The following SPON1 variants were observed in gnomAD, a reference collection of about 807,000 sequenced individuals.
SPON1 encodes the protein spondin 1.
SPON1 carries 52 observed loss-of-function variants against 111.7 expected under a neutral mutation model. The ratio of observed to expected loss-of-function variants is 0.47; its 90% CI spans 0.37 to 0.59. SPON1 has a LOEUF of 0.59. Ranked by LOEUF, SPON1 falls within the 20% of genes least tolerant of loss-of-function variation. SPON1 has a pLI of 0.00. For missense variants in SPON1, 957 were observed against 1,068.5 expected (o/e 0.90, Z 1.46); for synonymous variants, 410 against 395.8 (o/e 1.04, Z -0.43).
intron 7 of SPON1, 76 bp downstream of exon 7, chr11:14,243,472 C>A: frequency 8.3e-7 from 1 of 1,206,144 alleles, no homozygotes; most frequent in Non-Finnish European, 1.2e-6. Flanking sequence ...ATGGCCACCA[C>A]ATACCAGTTA....
At chr11:14,159,910 T>A (rs868932853) in intron 6 of SPON1, among the ~76,000 whole-genome samples, 1 of 4,868 alleles carries the variant, frequency 2.1e-4, no homozygotes, top group African/African-American at 6.7e-4. Flanking sequence ...GGGTGGGAGG[T>A]GGGGGGGATG....
At chr11:13,963,196 C>A in intron 1 of SPON1, 54 bp downstream of exon 1, 1 of 1,352,236 alleles carries the variant, frequency 7.4e-7, no homozygotes, top group Non-Finnish European at 9.8e-7. Context: ...CCCCGGAGGG[C>A]GCCGACCTCG....
intron 3 of SPON1, among the ~76,000 whole-genome samples, chr11:14,065,724 C>T (rs1300283289): frequency 1.3e-5 from 2 of 152,188 alleles, no homozygotes; most frequent in Admixed American, 1.3e-4. Context: ...GATTCTTAAG[C>T]TTTGTGGGGT....
chr11:14,164,712 C>T (rs1049931398), intron 6 of SPON1, among the ~76,000 whole-genome samples: 5 of 152,122 alleles, frequency 3.3e-5, no homozygotes, highest in East Asian at 1.9e-4. Context: ...TGCAGGAGAC[C>T]GGAGTTTTAT....
intron 6 of SPON1, among the ~76,000 whole-genome samples, chr11:14,154,854 A>G (rs1171760304): frequency 6.6e-6 from 1 of 152,168 alleles, no homozygotes; most frequent in Non-Finnish European, 1.5e-5. Flanking sequence ...GCCAGGCCAC[A>G]TCTTGGATGC....
chr11:14,020,456 A>G (rs1162063077), intron 2 of SPON1, among the ~76,000 whole-genome samples: 1 of 152,230 alleles, frequency 6.6e-6, no homozygotes, highest in Non-Finnish European at 1.5e-5. Context: ...GATCTCTATC[A>G]TATGCAGTTG....
At chr11:14,251,729 G>A (rs1265206751) in intron 7 of SPON1, among the ~76,000 whole-genome samples, 3 of 152,226 alleles carry the variant, frequency 2.0e-5, no homozygotes, top group African/African-American at 7.2e-5. Context: ...GCACCCAGGT[G>A]CCAGTGCTGT....
At chr11:14,225,550 G>C (rs1360367669) in intron 6 of SPON1, among the ~76,000 whole-genome samples, 6 of 152,130 alleles carry the variant, frequency 3.9e-5, no homozygotes, top group Non-Finnish European at 7.3e-5. Flanking sequence ...TGCCAATGAA[G>C]ATAGACTGAA....
intron 3 of SPON1, among the ~76,000 whole-genome samples, chr11:14,061,831 G>T (rs1411605149): frequency 1.3e-5 from 2 of 152,202 alleles, no homozygotes; most frequent in Non-Finnish European, 2.9e-5. Context: ...TAGACAGACA[G>T]CATCAAATCA....
At chr11:13,964,609 T>C (rs946700584) in intron 1 of SPON1, among the ~76,000 whole-genome samples, 8 of 152,194 alleles carry the variant, frequency 5.3e-5, no homozygotes, top group African/African-American at 1.9e-4. Flanking sequence ...AGGAACAGTC[T>C]GACCCCGGCG....
At chr11:14,186,414 A>T (rs1281097647) in intron 6 of SPON1, among the ~76,000 whole-genome samples, 1 of 152,190 alleles carries the variant, frequency 6.6e-6, no homozygotes, top group African/African-American at 2.4e-5. Flanking sequence ...CAGGGAGAGG[A>T]CATTCCAGGG....
At chr11:13,964,982 GGA>G (rs1491224388) in intron 1 of SPON1, among the ~76,000 whole-genome samples, 1 of 46,462 alleles carries the variant, frequency 2.2e-5, no homozygotes, top group Non-Finnish European at 4.2e-5. Context: ...TTTCCTAGCT[GGA>G]AAAAAAAAAA....
At chr11:14,032,707 C>T (rs1848568017) in intron 2 of SPON1, among the ~76,000 whole-genome samples, 1 of 152,186 alleles carries the variant, frequency 6.6e-6, no homozygotes, top group African/African-American at 2.4e-5. Flanking sequence ...TCCAAATCTA[C>T]CTGCCTCAAA....
intron 4 of SPON1, 136 bp downstream of exon 4, chr11:14,075,554 G>A (rs566250747): frequency 1.4e-4 from 92 of 643,440 alleles, no homozygotes; most frequent in Admixed American, 6.3e-4. Context: ...ACGTAGCTCC[G>A]ATTTTTAATC....
chr11:14,065,913 TAA>T, intron 3 of SPON1, among the ~76,000 whole-genome samples: 2 of 152,206 alleles, frequency 1.3e-5, no homozygotes, highest in African/African-American at 2.4e-5. Context: ...CAATGATGAA[TAA>T]GACACTAGTC....
chr11:14,157,285 T>C (rs1224107904), intron 6 of SPON1, among the ~76,000 whole-genome samples: 2 of 152,160 alleles, frequency 1.3e-5, no homozygotes, highest in African/African-American at 4.8e-5. Flanking sequence ...ATGTCTTTAT[T>C]TTGTCTTTAT....
chr11:14,019,214 T>G (rs985177812), intron 2 of SPON1, among the ~76,000 whole-genome samples: 1 of 152,120 alleles, frequency 6.6e-6, no homozygotes, highest in Non-Finnish European at 1.5e-5. Context: ...GCTCAGCCAC[T>G]TAGGAGACTT....
intron 2 of SPON1, among the ~76,000 whole-genome samples, chr11:14,034,449 G>A (rs1848580067): frequency 6.6e-6 from 1 of 152,180 alleles, no homozygotes; most frequent in African/African-American, 2.4e-5. Context: ...ATAGTGCAAG[G>A]CTTTTCAGAA....
intron 6 of SPON1, among the ~76,000 whole-genome samples, chr11:14,178,518 A>T (rs1848205236): frequency 6.6e-6 from 1 of 152,162 alleles, no homozygotes; most frequent in Non-Finnish European, 1.5e-5. Flanking sequence ...GCGAGATGAG[A>T]AAACAAAAGA....
Sources: allele counts gnomAD v4.1 joint callset (sites outside exome capture counted in the v4.1 genomes callset), GRCh38; gene constraint gnomAD v4.1.1; transcripts MANE v1.5; gene names NCBI Gene and HGNC (gene_info 2026-07-23, HGNC 2026-07-21).